POLN: variants seen among roughly 807,000 people sequenced by gnomAD.
The protein encoded by POLN is DNA polymerase N.
POLN carries 108 observed loss-of-function variants against 113.5 expected under a neutral mutation model. The observed-to-expected ratio is 0.95, with a 90% CI of 0.81 to 1.12. POLN has a LOEUF of 1.12. Ranked by LOEUF, POLN falls within the 50% of genes most tolerant of loss-of-function variation. The pLI, the probability that POLN is intolerant of heterozygous loss-of-function variation, is 0.00. For missense variants in POLN, 1,097 were observed against 1,077.1 expected, an observed-to-expected ratio of 1.02 and a Z score of -0.26; for synonymous variants, 386 against 391.5, an observed-to-expected ratio of 0.99 and a Z score of 0.17.
intron 2 of POLN, chr4:2,231,871 C>T: frequency 1.3e-6 from 1 of 760,266 alleles, no homozygotes; most frequent in Non-Finnish European, 2.2e-6. Context: ...TTATTATACA[C>T]AGTCTTCTAA....
chr4:2,213,996 G>C (rs1734054482), intron 3 of POLN, among the ~76,000 whole-genome samples: 1 of 152,212 alleles, frequency 6.6e-6, no homozygotes, highest in Admixed American at 6.5e-5. Context: ...AGCACTTTGG[G>C]AGGCTGAGGT....
At chr4:2,219,706 C>A (rs781111354) in intron 3 of POLN, among the ~76,000 whole-genome samples, 1 of 152,184 alleles carries the variant, frequency 6.6e-6, no homozygotes, top group Non-Finnish European at 1.5e-5. Flanking sequence ...AGTTTCCCAG[C>A]CCTCCACAAT....
intron 23 of POLN, chr4:2,080,358 C>G (rs930780476): frequency 2.2e-6 from 2 of 925,034 alleles, no homozygotes; most frequent in African/African-American, 5.4e-5. Context: ...GGGGGGCAGC[C>G]AGGGCGGAGC....
chr4:2,229,496 C>T (rs953354493), intron 2 of POLN: 6 of 292,184 alleles, frequency 2.1e-5, no homozygotes, highest in Non-Finnish European at 3.8e-5. Flanking sequence ...AAGCAATCTA[C>T]TCAAATACAT....
intron 16 of POLN, among the ~76,000 whole-genome samples, chr4:2,140,392 G>A (rs1176309261): frequency 6.6e-6 from 1 of 152,132 alleles, no homozygotes; most frequent in Non-Finnish European, 1.5e-5. Context: ...TTGTTAAATT[G>A]ATGCATGGAA....
At chr4:2,160,813 CAT>C (rs1732562132) in intron 13 of POLN, among the ~76,000 whole-genome samples, 1 of 152,180 alleles carries the variant, frequency 6.6e-6, no homozygotes, top group African/African-American at 2.4e-5. Flanking sequence ...TGCTGTCCTA[CAT>C]ATGAATGTTT....
chr4:2,240,340 A>AT, intron 2 of POLN: 1 of 1,602,286 alleles, frequency 6.2e-7, no homozygotes, highest in Non-Finnish European at 8.5e-7. Context: ...TGACTTAGGT[A>AT]TTTTTCCAAG....
chr4:2,106,740 T>C (rs1462955961), intron 19 of POLN, among the ~76,000 whole-genome samples: 6 of 152,198 alleles, frequency 3.9e-5, no homozygotes, highest in African/African-American at 7.2e-5. Context: ...TCATTTTTTT[T>C]CCATTGATCT....
chr4:2,079,924 C>A, intron 23 of POLN: 1 of 985,572 alleles, frequency 1.0e-6, no homozygotes, highest in Non-Finnish European at 1.2e-6. Context: ...GCCTTCTGAC[C>A]ACTTCAGTTA....
chr4:2,092,772 G>C (rs1383880758), intron 20 of POLN, among the ~76,000 whole-genome samples: 3 of 152,250 alleles, frequency 2.0e-5, no homozygotes, highest in Non-Finnish European at 4.4e-5. Flanking sequence ...TCCGCTGAAA[G>C]CTGGTAGGTG....
intron 7 of POLN, among the ~76,000 whole-genome samples, chr4:2,181,438 G>A (rs531357440): frequency 1.3e-5 from 2 of 148,934 alleles, no homozygotes; most frequent in Admixed American, 1.3e-4. Context: ...AAGCCACTGT[G>A]CCCAGCCAAA....
chr4:2,137,773 A>G (rs1731896417), intron 16 of POLN, among the ~76,000 whole-genome samples: 2 of 151,886 alleles, frequency 1.3e-5, no homozygotes, highest in South Asian at 4.2e-4. Flanking sequence ...CTCATTCCAC[A>G]TGCGTATTGG....
chr4:2,160,212 G>A (rs1022033241), intron 13 of POLN, among the ~76,000 whole-genome samples: 3 of 152,202 alleles, frequency 2.0e-5, no homozygotes, highest in Admixed American at 6.5e-5. Flanking sequence ...GACTAACGCT[G>A]TTGGACACTA....
intron 8 of POLN, among the ~76,000 whole-genome samples, chr4:2,177,975 C>T (rs1733035725): frequency 6.6e-6 from 1 of 152,246 alleles, no homozygotes; most frequent in Admixed American, 6.5e-5. Context: ...CCTGGTACTG[C>T]CTTTCCTCTG....
intron 16 of POLN, among the ~76,000 whole-genome samples, chr4:2,156,076 A>C (rs1446673590): frequency 6.6e-6 from 1 of 151,938 alleles, no homozygotes; most frequent in Non-Finnish European, 1.5e-5. Flanking sequence ...CTCATGATCC[A>C]CCGCCTCGGC....
intron 2 of POLN, chr4:2,231,113 A>C (rs542364038): frequency 2.6e-5 from 4 of 152,262 alleles, no homozygotes; most frequent in Non-Finnish European, 5.9e-5. Context: ...CAGGCAGGCC[A>C]AGGAAGTCCT....
rs531707382 is a variant in POLN at position 2,222,664 on chromosome 4, G to A, written c.133+6435C>T. ...GCCCAGGAAGCCCTCTGGCTTTCAC[G>A]TTTAGCCTTTAATTGCTTATCACCC... is the stretch of plus-strand genomic sequence containing the variant. On this transcript the variant is annotated intron_variant, in intron 3 of 25. Transcript: ENST00000511885. 7.4e-5 allele frequency among the ~76,000 whole-genome samples: 11 copies of A among 148,584 alleles called. No homozygotes were observed. The South Asian group carries it at 1.3e-3, about 17-fold the overall frequency.
At chr4:2,154,139 A>C (rs1270332194) in intron 16 of POLN, among the ~76,000 whole-genome samples, 1 of 139,010 alleles carries the variant, frequency 7.2e-6, no homozygotes, top group Non-Finnish European at 1.5e-5. Flanking sequence ...CAGAGCTTGC[A>C]GTGAGCTGAG....
chr4:2,177,290 C>T (rs2108749993), intron 8 of POLN: 1 of 483,878 alleles, frequency 2.1e-6, no homozygotes, highest in South Asian at 1.5e-5. Context: ...CACAGCCATG[C>T]CTCCTTCTCC....
Sources: gnomAD v4.1 joint callset for allele counts (sites outside exome capture counted in the v4.1 genomes callset) on GRCh38, gnomAD v4.1.1 for gene constraint, MANE v1.5 for transcripts, NCBI Gene and HGNC (gene_info 2026-07-23, HGNC 2026-07-21) for gene names.